MAP3K4: variants seen among roughly 807,000 people sequenced by gnomAD.
MAP3K4 encodes mitogen-activated protein kinase kinase kinase 4.
In MAP3K4, 67 loss-of-function variants were observed where a neutral mutation model predicts 185.6. The observed-to-expected ratio is 0.36, with a 90% confidence interval of 0.30 to 0.44. The LOEUF (loss-of-function observed/expected upper bound fraction) is 0.44, where lower values mean the gene tolerates loss of function less well. Among genes scored for constraint, MAP3K4 ranks in the 20% least tolerant of loss-of-function variants. The probability of loss-of-function intolerance (pLI) is 1.00; values close to 1 mark genes in which losing one functional copy is unlikely to be tolerated. For missense variants in MAP3K4, 1,551 were observed against 1,995.1 expected, an observed-to-expected ratio of 0.78 and a Z score of 4.24; for synonymous variants, 702 against 710.4, an observed-to-expected ratio of 0.99 and a Z score of 0.19.
Position 161,101,915 on chromosome 6 carries a change from A to G in MAP3K4, c.3698A>G (p.Asp1233Gly), listed in dbSNP as rs1373365516. The G allele has an allele frequency of 5.0e-6, 8 of 1,613,948 alleles. No homozygotes were observed. In the East Asian group the frequency reaches 8.9e-5, roughly 18 times the overall value. The change falls in exon 18 of 27, where the codon GAT (aspartate) becomes GGT (glycine). Residue 1233 changes from aspartate to glycine, a missense_variant. Transcript: ENST00000392142. This position sits in a 1 kb window ranked among gnomAD's most constrained non-coding sequence, Gnocchi z 5.1. ...AGGGGTTCCAGCGTTCCTGAAAATG[A>G]TCGATTGGCTTCCATAGCTGCTGAA... ...DTRGSSVPEN[D>G]RLASIAAELQ...
intron 10 of MAP3K4, 27 bp from the exon 11 acceptor site, chr6:161,089,295 A>G (rs1785904513): frequency 3.7e-6 from 6 of 1,606,064 alleles, no homozygotes; most frequent in East Asian, 2.2e-5. Context: ...GTTGGTTTTT[A>G]TGTCCTGTGC....
rs997575550 is a variant in MAP3K4, at chr6:161,082,689, G to A, written c.2255+1651G>A. Among the ~76,000 whole-genome samples, 1 of 152,114 alleles carries A rather than the reference G, an allele frequency of 6.6e-6. No individual in the cohort carries two copies. The highest frequency in any genetic ancestry group is 2.4e-5 in the African/African-American group (1 of 41,428). ...CTTTGTTTCCTGCACACACTACCTCGACTCTTTTTGGGTGCCCTTTGAGGG... is the reference window on the plus strand; with the variant it reads ...CTTTGTTTCCTGCACACACTACCTCAACTCTTTTTGGGTGCCCTTTGAGGG... On this transcript the variant is annotated intron_variant, in intron 6 of 26. Coordinates refer to ENST00000392142, the MANE Select transcript of MAP3K4 (RefSeq NM_005922.4). The surrounding 1 kb of genome is among the most constrained non-coding windows in gnomAD (Gnocchi z 4.2).
intron 1 of MAP3K4, among the ~76,000 whole-genome samples, chr6:161,019,315 G>GT (rs1782264962): frequency 6.6e-6 from 1 of 152,100 alleles, no homozygotes; most frequent in East Asian, 1.9e-4. Context: ...TCTTGTAGTG[G>GT]TTTTTTTCCT....
In MAP3K4 at chr6:161,084,199, A is replaced by T. The variant is rs1250698427; in HGVS notation, c.2256-302A>T. On this transcript the variant is annotated intron_variant, in intron 6 of 26. Coordinates refer to ENST00000392142, the MANE Select transcript of MAP3K4 (RefSeq NM_005922.4). This position sits in a 1 kb window ranked among gnomAD's most constrained non-coding sequence, Gnocchi z 4.6. The stretch of plus-strand genomic sequence containing the variant: ...ATTTAGTTTGAGGCCATTTTATGGA[A>T]AATTTCCATTTAGATGGAAATAACA... 1.3e-5 allele frequency among the ~76,000 whole-genome samples: 2 copies of T among 152,222 alleles called. No individual in the cohort carries two copies. Among genetic ancestry groups the T allele is most frequent in the East Asian group, 3.8e-4 (2 of 5,198 alleles).
At chr6:160,993,579 A>C (rs1268549495) in intron 1 of MAP3K4, among the ~76,000 whole-genome samples, 1 of 152,236 alleles carries the variant, frequency 6.6e-6, no homozygotes, top group African/African-American at 2.4e-5. Context: ...CATGTCTTTA[A>C]CCACCATGAA....
intron 1 of MAP3K4, among the ~76,000 whole-genome samples, chr6:161,002,197 C>T (rs140857140): frequency 1.3e-5 from 2 of 152,000 alleles, no homozygotes; most frequent in Non-Finnish European, 2.9e-5. Context: ...AAATTAAGAA[C>T]TGTAACGCTA....
chr6:161,028,276 G>A (rs1259542375), intron 1 of MAP3K4, among the ~76,000 whole-genome samples: 1 of 151,206 alleles, frequency 6.6e-6, no homozygotes, highest in Non-Finnish European at 1.5e-5. Flanking sequence ...AGTTCCAGTG[G>A]CATTGGATAA....
In MAP3K4 at chr6:161,109,614, C is replaced by T. The variant is rs1281831241; in HGVS notation, c.4237-141C>T. ...AGAAACGACTGTTGTGAGACACATT[C>T]AGTGCTCAGGATGGCAAGTGTAGTA... is the stretch of plus-strand genomic sequence containing the variant. On this transcript the variant is annotated intron_variant, in intron 22 of 26. Transcript: ENST00000392142. The surrounding 1 kb of genome is among the most constrained non-coding windows in gnomAD (Gnocchi z 5.7). 1 of 787,018 alleles carries T rather than the reference C, an allele frequency of 1.3e-6. No individual in the cohort carries two copies. The highest frequency in any genetic ancestry group is 2.6e-5 in the East Asian group (1 of 38,268). The allele number at this position is 787,018 out of a possible 1,614,324, so 48.8% of individuals were successfully genotyped here.
At position 161,080,518 on chromosome 6, in the gene MAP3K4, G is replaced by A. The variant is rs940315495; in HGVS notation, c.2098-363G>A. 6.6e-6 allele frequency among the ~76,000 whole-genome samples: 1 copy of A among 152,286 alleles called. No homozygotes were observed. The highest frequency in any genetic ancestry group is 2.4e-5 in the African/African-American group (1 of 41,556). ...ATTTCAAGCTAAAGTAGGTCATTAA[G>A]TGAAGATCCTAACCTCTTAAAGGAA... On this transcript the variant is annotated intron_variant, in intron 5 of 26. Coordinates refer to ENST00000392142, the MANE Select transcript of MAP3K4 (RefSeq NM_005922.4). The surrounding 1 kb of genome is among the most constrained non-coding windows in gnomAD (Gnocchi z 4.8).
At position 160,991,868 on chromosome 6, in the gene MAP3K4, T is replaced by A. The variant is rs978269906; in HGVS notation, c.-64T>A. ...TCGAGTCACTCCCGCACTTCGGGGCTCCGGTGCCCCGCGCCAGGCTGCAGC... is the reference window on the plus strand; with the variant it reads ...TCGAGTCACTCCCGCACTTCGGGGCACCGGTGCCCCGCGCCAGGCTGCAGC... On this transcript the variant is annotated 5_prime_UTR_variant, in exon 1 of 27. Coordinates refer to ENST00000392142, the MANE Select transcript of MAP3K4 (RefSeq NM_005922.4). This position sits in a 1 kb window ranked among gnomAD's most constrained non-coding sequence, Gnocchi z 5.7. The A allele has an allele frequency of 1.6e-4, 227 of 1,427,440 alleles. No homozygotes were observed. The highest frequency in any genetic ancestry group is 2.0e-4 in the Non-Finnish European group (223 of 1,101,042). The allele number at this position is 1,427,440 out of a possible 1,614,324, so 88.4% of individuals were successfully genotyped here.
At chr6:161,019,024 G>A (rs771237012) in intron 1 of MAP3K4, among the ~76,000 whole-genome samples, 1 of 152,336 alleles carries the variant, frequency 6.6e-6, no homozygotes, top group African/African-American at 2.4e-5. Context: ...GACTGGAAAA[G>A]TGTACCAGAA....
At position 161,093,521 on chromosome 6, in the gene MAP3K4, T is replaced by A. The variant is rs528888181; in HGVS notation, c.3349-252T>A. ...TAGTAGAGACGATTACATGAAAAGT[T>A]CTTTGCTTGTACACGTTATTGTGTT... On this transcript the variant is annotated intron_variant, in intron 14 of 26. Coordinates refer to ENST00000392142, the MANE Select transcript of MAP3K4 (RefSeq NM_005922.4). The surrounding 1 kb of genome is among the most constrained non-coding windows in gnomAD (Gnocchi z 5.2). Among the ~76,000 whole-genome samples, 1 of 152,220 alleles carries A rather than the reference T, an allele frequency of 6.6e-6. No individual in the cohort carries two copies. The highest frequency in any genetic ancestry group is 2.4e-5 in the African/African-American group (1 of 41,454).
At chr6:161,030,339 A>AT (rs1161948334) in intron 1 of MAP3K4, among the ~76,000 whole-genome samples, 1 of 151,842 alleles carries the variant, frequency 6.6e-6, no homozygotes, top group East Asian at 1.9e-4. Context: ...TTTCAGATAT[A>AT]TTTTTTATCA....
In MAP3K4 at chr6:161,107,048, G is replaced by GCACACACACACA. The variant is rs1168768049; in HGVS notation, c.4048+344_4048+345insACACACACACAC. On this transcript the variant is annotated intron_variant, in intron 20 of 26. Coordinates refer to ENST00000392142, the MANE Select transcript of MAP3K4 (RefSeq NM_005922.4). The surrounding 1 kb of genome is among the most constrained non-coding windows in gnomAD (Gnocchi z 6.2). ...TCTCTCTCTCTCTCTACACACGCGC[G>GCACACACACACA]CGCACACACACACACACACACACAC... 1.0e-3 allele frequency among the ~76,000 whole-genome samples: 145 copies of GCACACACACACA among 141,108 alleles called. No homozygotes were observed. Among genetic ancestry groups the GCACACACACACA allele is most frequent in the African/African-American group, 3.5e-3 (138 of 39,330 alleles). The allele number at this position is 141,108 out of a possible 152,430, so 92.6% of individuals were successfully genotyped here. A position where few individuals can be genotyped will look rare whatever the true frequency, so the allele number is the denominator to read the frequency against.
Position 161,022,277 on chromosome 6 carries a change from T to G in MAP3K4, c.153-11982T>G, listed in dbSNP as rs1782439262. The G allele has an allele frequency of 6.6e-6, 1 of 152,218 alleles. No homozygotes were observed. The highest frequency in any genetic ancestry group is 2.4e-5 in the African/African-American group (1 of 41,462). The allele number at this position is 152,218 out of a possible 1,614,324, so 9.4% of individuals were successfully genotyped here. ...AAGGAGACGATTTCAGTTAGACCTT[T>G]TATTTGACATATACAGATAAATAAA... is the stretch of plus-strand genomic sequence containing the variant. On this transcript the variant is annotated intron_variant, in intron 1 of 26. Coordinates refer to ENST00000392142, the MANE Select transcript of MAP3K4 (RefSeq NM_005922.4). This position sits in a 1 kb window ranked among gnomAD's most constrained non-coding sequence, Gnocchi z 4.2.
At chr6:161,001,507 C>T (rs1781321982) in intron 1 of MAP3K4, among the ~76,000 whole-genome samples, 1 of 152,074 alleles carries the variant, frequency 6.6e-6, no homozygotes, top group African/African-American at 2.4e-5. Flanking sequence ...TGCAGTTTGC[C>T]ACCATTTGTA....
Position 161,111,940 on chromosome 6 carries a change from A to G in MAP3K4, c.4501A>G (p.Ser1501Gly). ...NAQTMPGEVN[S>G]TLGTAAYMAP... ...CCAGACCATGCCTGGTGAAGTGAAC[A>G]GCACCCTGGGGACAGCAGGTAGGGA... Residue 1501 changes from serine to glycine, a missense_variant, in exon 24 of 27, where the codon AGC (serine) becomes GGC (glycine). Around this residue, in one of 16 missense-constraint regions of MAP3K4, gnomAD observed 159 missense variants for 300.5 expected, o/e 0.53. Transcript: ENST00000392142. The G allele has an allele frequency of 6.2e-7, 1 of 1,614,132 alleles. No homozygotes were observed. The highest frequency in any genetic ancestry group is 8.5e-7 in the Non-Finnish European group (1 of 1,180,004).
intron 2 of MAP3K4, among the ~76,000 whole-genome samples, chr6:161,042,983 C>A (rs1583157413): frequency 6.6e-6 from 1 of 151,922 alleles, no homozygotes; most frequent in Non-Finnish European, 1.5e-5. Flanking sequence ...TGTGTGCATG[C>A]ATGCGTGTGC....
At position 161,096,751 on chromosome 6, in the gene MAP3K4, TTTA is replaced by T; in HGVS notation, c.3428-325_3428-323del. ...GTGTAGACAACATAAAGAACTCCTTTTTATTAGGGAGATACCACATTTTCATGT... is the reference window on the plus strand; with the variant it reads ...GTGTAGACAACATAAAGAACTCCTTTTTAGGGAGATACCACATTTTCATGT... On this transcript the variant is annotated intron_variant, in intron 15 of 26. Coordinates refer to ENST00000392142, the MANE Select transcript of MAP3K4 (RefSeq NM_005922.4). The surrounding 1 kb of genome is among the most constrained non-coding windows in gnomAD (Gnocchi z 4.9). 4.7e-6 allele frequency: 1 copy of T among 212,360 alleles called. No homozygotes were observed. Among genetic ancestry groups the T allele is most frequent in the Non-Finnish European group, 9.5e-6 (1 of 104,896 alleles). The allele number at this position is 212,360 out of a possible 1,614,324, so 13.2% of individuals were successfully genotyped here.
Sources: gnomAD v4.1 joint callset for allele counts (sites outside exome capture counted in the v4.1 genomes callset) on GRCh38, gnomAD v4.1.1 for gene constraint, gnomAD v4.1.1 regional missense constraint, Gnocchi (gnomAD v3.1) non-coding constraint, MANE v1.5 for transcripts, NCBI Gene and HGNC (gene_info 2026-07-23, HGNC 2026-07-21) for gene names.